HK2: variants seen among roughly 807,000 people sequenced by gnomAD.
HK2 encodes the protein hexokinase 2.
Under a neutral mutation model 92.9 loss-of-function variants are expected in HK2, and 42 were observed. The ratio of observed to expected loss-of-function variants is 0.45; its 90% CI spans 0.35 to 0.58. HK2 has a LOEUF of 0.58. Among genes scored for constraint, HK2 ranks in the 20% least tolerant of loss-of-function variants. The probability of loss-of-function intolerance (pLI) is 0.00; values close to 1 mark genes in which losing one functional copy is unlikely to be tolerated. For missense variants in HK2, 978 were observed against 1,245.1 expected, an observed-to-expected ratio of 0.79 and a Z score of 3.23; for synonymous variants, 422 against 468.0, an observed-to-expected ratio of 0.90 and a Z score of 1.27.
chr2:74,858,627 A>G (rs1220779665), intron 2 of HK2, among the ~76,000 whole-genome samples: 1 of 152,262 alleles, frequency 6.6e-6, no homozygotes, highest in East Asian at 1.9e-4. Flanking sequence ...TAAGACTCCC[A>G]GGTTTTAATT....
chr2:74,884,860 AG>A (rs527244847), intron 12 of HK2, among the ~76,000 whole-genome samples: 74 of 152,342 alleles, frequency 4.9e-4, no homozygotes, highest in African/African-American at 1.8e-3. Flanking sequence ...ATTGAAGGCA[AG>A]GGGCCACTGA....
At chr2:74,887,877 C>G in intron 15 of HK2, 26 bp from the exon 16 acceptor site, 1 of 1,612,052 alleles carries the variant, frequency 6.2e-7, no homozygotes, top group East Asian at 2.2e-5. Flanking sequence ...CCTACTTAAC[C>G]TCCATGAATG....
At chr2:74,874,631 C>T (rs1040161205) in intron 7 of HK2, among the ~76,000 whole-genome samples, 182 bp downstream of exon 7, 6 of 152,156 alleles carry the variant, frequency 3.9e-5, no homozygotes, top group African/African-American at 1.2e-4. Context: ...AGAGAGCAAG[C>T]GGATATACCA....
intron 7 of HK2, among the ~76,000 whole-genome samples, chr2:74,875,979 G>A (rs1317445945): frequency 1.3e-5 from 2 of 152,174 alleles, no homozygotes; most frequent in Non-Finnish European, 2.9e-5. Context: ...ATATTTCCAA[G>A]TAAGTATCTT....
At chr2:74,856,588 C>T (rs994495591) in intron 2 of HK2, among the ~76,000 whole-genome samples, 1 of 152,190 alleles carries the variant, frequency 6.6e-6, no homozygotes, top group East Asian at 1.9e-4. Flanking sequence ...AGTAAGTACC[C>T]TAAATCTTTT....
At chr2:74,870,781 T>C (rs2103950289) in intron 3 of HK2, among the ~76,000 whole-genome samples, 1 of 152,310 alleles carries the variant, frequency 6.6e-6, no homozygotes, top group African/African-American at 2.4e-5. Context: ...GTGATCCCCA[T>C]GGCAAGAGAG....
At chr2:74,883,122 T>G (rs930046566) in intron 12 of HK2, among the ~76,000 whole-genome samples, 2 of 152,080 alleles carry the variant, frequency 1.3e-5, no homozygotes, top group African/African-American at 4.8e-5. Flanking sequence ...CTGGAGACTG[T>G]TTTTAAGCAG....
chr2:74,881,789 G>C lies in HK2; in HGVS notation c.1649G>C (p.Trp550Ser). 6.2e-7 allele frequency: 1 copy of C among 1,614,124 alleles called. No homozygotes were observed. Among genetic ancestry groups the C allele is most frequent in the Non-Finnish European group, 8.5e-7 (1 of 1,179,984 alleles). The change falls in exon 11 of 18, where the codon TGG becomes TCG. Residue 550 changes from tryptophan to serine, a missense_variant. Transcript: ENST00000290573. ...VLLVRVRNGK[W>S]GGVEMHNKIY... ...CTGGTCCGTGTTCGGAATGGGAAGTGGGGTGGAGTGGAGATGCACAACAAG... is the reference window on the plus strand; with the variant it reads ...CTGGTCCGTGTTCGGAATGGGAAGTCGGGTGGAGTGGAGATGCACAACAAG...
At chr2:74,843,094 C>T (rs1465847110) in intron 1 of HK2, among the ~76,000 whole-genome samples, 1 of 152,196 alleles carries the variant, frequency 6.6e-6, no homozygotes, top group Non-Finnish European at 1.5e-5. Context: ...TTGCAGTGCC[C>T]TGTGCTGAAG....
intron 3 of HK2, among the ~76,000 whole-genome samples, chr2:74,870,323 T>G (rs1689066638): frequency 6.6e-6 from 1 of 152,180 alleles, no homozygotes; most frequent in Non-Finnish European, 1.5e-5. Context: ...TTAAAAATTC[T>G]AATTAATTGA....
At chr2:74,847,163 G>GATGCTTCT (rs949990571) in intron 1 of HK2, among the ~76,000 whole-genome samples, 2 of 152,174 alleles carry the variant, frequency 1.3e-5, no homozygotes, top group Admixed American at 6.5e-5. Flanking sequence ...CCTTTGCTTT[G>GATGCTTCT]ATGCTTCTAT....
intron 10 of HK2, among the ~76,000 whole-genome samples, chr2:74,880,931 A>G (rs2103989702): frequency 6.6e-6 from 1 of 152,372 alleles, no homozygotes; most frequent in Admixed American, 6.5e-5. Flanking sequence ...ACAACTAGAA[A>G]ATGTCGGAGC....
chr2:74,866,086 T>A (rs1349835124), intron 2 of HK2, among the ~76,000 whole-genome samples: 2 of 152,040 alleles, frequency 1.3e-5, no homozygotes, highest in African/African-American at 2.4e-5. Context: ...CTGACACACT[T>A]CTGGTTGTGT....
intron 2 of HK2, among the ~76,000 whole-genome samples, chr2:74,857,937 C>T (rs1488629555): frequency 3.9e-5 from 6 of 152,228 alleles, no homozygotes; most frequent in South Asian, 2.1e-4. Flanking sequence ...CCCTCTCCCA[C>T]AGAAGGCTCG....
rs190671569 is a variant in HK2, at chr2:74,865,983, C to T, written c.227-1653C>T. ...TTTTAGAGATGAAGCAGCTGAGGCT[C>T]AGAGGCTCAGGAACTTGCCTCTGCT... On this transcript the variant is annotated intron_variant, in intron 2 of 17. Coordinates refer to ENST00000290573, the MANE Select transcript of HK2 (RefSeq NM_000189.5). Among the ~76,000 whole-genome samples the T allele has an allele frequency of 6.6e-4, 101 of 152,220 alleles. 1 individual carries two copies. Among genetic ancestry groups the T allele is most frequent in the African/African-American group, 2.3e-3 (96 of 41,470 alleles).
intron 1 of HK2, among the ~76,000 whole-genome samples, chr2:74,847,010 G>A (rs1452128536): frequency 6.6e-6 from 1 of 152,178 alleles, no homozygotes; most frequent in African/African-American, 2.4e-5. Flanking sequence ...TCAATCAGTT[G>A]GTCTTCTAGG....
intron 1 of HK2, among the ~76,000 whole-genome samples, chr2:74,843,515 ATTC>A (rs1688365212): frequency 1.3e-5 from 2 of 152,060 alleles, no homozygotes; most frequent in Admixed American, 6.5e-5. Flanking sequence ...TTTCCCGGAC[ATTC>A]TTTCCTGCCT....
intron 1 of HK2, among the ~76,000 whole-genome samples, chr2:74,840,589 C>T (rs186759881): frequency 8.6e-5 from 13 of 150,586 alleles, no homozygotes; most frequent in South Asian, 8.5e-4. Flanking sequence ...GGGGTTATGC[C>T]GGGCGCGGTG....
intron 2 of HK2, among the ~76,000 whole-genome samples, chr2:74,861,317 G>T (rs771477767): frequency 2.6e-5 from 4 of 152,036 alleles, no homozygotes; most frequent in Non-Finnish European, 5.9e-5. Context: ...GCTACTGGGG[G>T]GCTGAGACAC....
Sources: allele counts gnomAD v4.1 joint callset (sites outside exome capture counted in the v4.1 genomes callset), GRCh38; gene constraint gnomAD v4.1.1; transcripts MANE v1.5; gene names NCBI Gene and HGNC (gene_info 2026-07-23, HGNC 2026-07-21).